Variants in MYRIP observed in about 807,000 individuals in gnomAD.
MYRIP encodes the protein rab effector MyRIP.
Under a neutral mutation model 98.0 loss-of-function variants are expected in MYRIP, and 49 were observed. The observed-to-expected ratio is 0.50, with a 90% confidence interval of 0.40 to 0.63. MYRIP has a LOEUF of 0.63. Among genes scored for constraint, MYRIP ranks in the 30% least tolerant of loss-of-function variants. MYRIP has a pLI of 0.00. For missense variants in MYRIP, 1,004 were observed against 1,058.2 expected (o/e 0.95, Z 0.71); for synonymous variants, 404 against 409.5 (o/e 0.99, Z 0.16).
rs1470975774 is a variant in MYRIP, at chr3:40,233,886, A to G, written c.1933A>G (p.Ile645Val). 26 of 1,613,168 alleles carry G rather than the reference A, an allele frequency of 1.6e-5. No individual in the cohort carries two copies. Among genetic ancestry groups the G allele is most frequent in the Non-Finnish European group, 2.2e-5 (26 of 1,179,782 alleles). Reference protein sequence around the residue: ...KKFSAVSLCNISTEVLKVINA... With the variant: ...KKFSAVSLCNVSTEVLKVINA... ...GTTTTCTGCTGTTTCTCTCTGCAAC[A>G]TCTCCACAGAAGTCCTGAAAGTCAT... The change falls in exon 12 of 17, where the codon ATC becomes GTC. Residue 645 changes from isoleucine to valine, a missense_variant. By Grantham distance (29) the Ile-to-Val change is conservative (BLOSUM62 3). Around this residue, in one of 3 missense-constraint regions of MYRIP, gnomAD observed 880 missense variants for 907.7 expected, o/e 0.97. Transcript: ENST00000302541.
chr3:39,937,209 C>T (rs1183326732), intron 2 of MYRIP, among the ~76,000 whole-genome samples: 3 of 152,198 alleles, frequency 2.0e-5, no homozygotes, highest in African/African-American at 7.2e-5. Context: ...TTATAATCTC[C>T]CTACTAGGGA....
chr3:39,991,078 C>A (rs1284553024), intron 2 of MYRIP, among the ~76,000 whole-genome samples: 1 of 152,102 alleles, frequency 6.6e-6, no homozygotes, highest in East Asian at 1.9e-4. Context: ...CAACAAACCA[C>A]CAGGGCACAT....
intron 2 of MYRIP, among the ~76,000 whole-genome samples, chr3:39,955,623 CA>C (rs1312230264): frequency 6.6e-6 from 1 of 152,288 alleles, no homozygotes; most frequent in South Asian, 2.1e-4. Flanking sequence ...CATCAACTAA[CA>C]AGCAAAATAA....
chr3:39,909,792 T>C (rs142956475), intron 2 of MYRIP, among the ~76,000 whole-genome samples: 1 of 152,178 alleles, frequency 6.6e-6, no homozygotes, highest in Admixed American at 6.5e-5. Flanking sequence ...AAGATAATTC[T>C]ACTTCACTGT....
In MYRIP at chr3:40,204,153, A is replaced by T. The variant is rs1297818567; in HGVS notation, c.1666-5701A>T. Among the ~76,000 whole-genome samples the T allele has an allele frequency of 4.5e-4, 11 of 24,502 alleles. 1 individual carries two copies. Among genetic ancestry groups the T allele is most frequent in the Non-Finnish European group, 7.7e-4 (8 of 10,370 alleles). The allele number at this position is 24,502 out of a possible 152,430, so 16.1% of individuals were successfully genotyped here. On this transcript the variant is annotated intron_variant, in intron 10 of 16. Transcript: ENST00000302541. ...TATATAATATATTATATAATATATA[A>T]ATATATAATATAATATTTATATATT...
At chr3:39,975,494 T>G (rs1945724184) in intron 2 of MYRIP, among the ~76,000 whole-genome samples, 1 of 151,940 alleles carries the variant, frequency 6.6e-6, no homozygotes, top group African/African-American at 2.4e-5. Flanking sequence ...ACAGATTCAA[T>G]GCCATCCCCA....
chr3:39,871,591 A>G (rs993814299), intron 1 of MYRIP, among the ~76,000 whole-genome samples: 8 of 152,150 alleles, frequency 5.3e-5, no homozygotes, highest in African/African-American at 1.7e-4. Context: ...CAATTAAAGA[A>G]GAGAAAATAT....
intron 2 of MYRIP, among the ~76,000 whole-genome samples, chr3:39,904,356 C>T (rs951532482): frequency 1.3e-5 from 2 of 152,136 alleles, no homozygotes; most frequent in African/African-American, 2.4e-5. Context: ...CTGCCTCGAC[C>T]TCTTGAGTAG....
intron 2 of MYRIP, among the ~76,000 whole-genome samples, chr3:39,977,330 T>C (rs1945783035): frequency 6.6e-6 from 1 of 152,020 alleles, no homozygotes; most frequent in African/African-American, 2.4e-5. Context: ...AGCAGATCTC[T>C]TGGGAGAAAA....
intron 12 of MYRIP, among the ~76,000 whole-genome samples, chr3:40,241,392 T>C (rs542414441): frequency 2.0e-5 from 3 of 152,298 alleles, no homozygotes; most frequent in African/African-American, 7.2e-5. Flanking sequence ...CTAGAACTTG[T>C]GGAGACAACC....
rs147742700 is a variant in MYRIP, at chr3:40,037,463, G to A, written c.111-6587G>A. ...TTGGCTTAGTGGGTTTGGGGTCTGG[G>A]GACTTTATGTTCCTTTTACAACACA... On this transcript the variant is annotated intron_variant, in intron 2 of 16. Coordinates refer to ENST00000302541, the MANE Select transcript of MYRIP (RefSeq NM_015460.4). Among the ~76,000 whole-genome samples the A allele has an allele frequency of 2.9e-4, 44 of 151,966 alleles. No individual in the cohort carries two copies. The East Asian group carries it at 8.6e-3, about 30-fold the overall frequency.
intron 3 of MYRIP, among the ~76,000 whole-genome samples, chr3:40,095,999 A>G (rs1363830217): frequency 6.6e-6 from 1 of 150,542 alleles, no homozygotes; most frequent in Non-Finnish European, 1.5e-5. Context: ...TCTCATGCAC[A>G]CTTCCCCCTC....
At chr3:40,062,013 C>T (rs939156155) in intron 3 of MYRIP, among the ~76,000 whole-genome samples, 7 of 151,984 alleles carry the variant, frequency 4.6e-5, no homozygotes, top group East Asian at 1.9e-4. Context: ...TTTTCTGATG[C>T]GTAGTTTGTA....
chr3:39,926,962 A>C (rs1373593665), intron 2 of MYRIP, among the ~76,000 whole-genome samples: 1 of 152,076 alleles, frequency 6.6e-6, no homozygotes, highest in Non-Finnish European at 1.5e-5. Context: ...ATCTATGAAC[A>C]TGGAATGTTT....
At chr3:39,892,615 G>T (rs970761163) in intron 1 of MYRIP, among the ~76,000 whole-genome samples, 6 of 152,170 alleles carry the variant, frequency 3.9e-5, no homozygotes, top group African/African-American at 7.2e-5. Flanking sequence ...TTAAGTTAAA[G>T]AAGTGCATTG....
intron 3 of MYRIP, among the ~76,000 whole-genome samples, chr3:40,086,441 C>T (rs557606980): frequency 8.5e-5 from 13 of 152,290 alleles, no homozygotes; most frequent in Admixed American, 3.9e-4. Flanking sequence ...GAGGGGTTTT[C>T]GCACTTCGGG....
At chr3:39,965,188 C>T (rs928310259) in intron 2 of MYRIP, among the ~76,000 whole-genome samples, 16 of 152,008 alleles carry the variant, frequency 1.1e-4, no homozygotes, top group African/African-American at 3.9e-4. Flanking sequence ...AGTATTGCGA[C>T]CCAATTGGAT....
chr3:40,044,577 C>T lies in MYRIP; in HGVS notation c.332+306C>T, dbSNP rs141409414. Among the ~76,000 whole-genome samples, 10 of 152,246 alleles carry T rather than the reference C, an allele frequency of 6.6e-5. No individual in the cohort carries two copies. In the East Asian group the frequency reaches 1.7e-3, roughly 26 times the overall value. ...TCTCATCTGGTCTCATCCTTTCGTT[C>T]GTTCATTGCATAAGCATGTGTTGGA... On this transcript the variant is annotated intron_variant, in intron 3 of 16. Coordinates refer to ENST00000302541, the MANE Select transcript of MYRIP (RefSeq NM_015460.4).
At chr3:40,212,871 T>C (rs1426827243) in intron 11 of MYRIP, among the ~76,000 whole-genome samples, 1 of 151,818 alleles carries the variant, frequency 6.6e-6, no homozygotes, top group Non-Finnish European at 1.5e-5. Flanking sequence ...TGACCCATGA[T>C]TGCACCACAG....
Sources: gnomAD v4.1 joint callset for allele counts (sites outside exome capture counted in the v4.1 genomes callset) on GRCh38, gnomAD v4.1.1 for gene constraint, gnomAD v4.1.1 regional missense constraint, MANE v1.5 for transcripts, NCBI Gene and HGNC (gene_info 2026-07-23, HGNC 2026-07-21) for gene names.